The following ALK variants were observed in gnomAD, a reference collection of about 807,000 sequenced individuals.
The protein encoded by ALK is ALK receptor tyrosine kinase.
A neutral mutation model predicts 163.1 loss-of-function variants in ALK; 74 were observed. The observed-to-expected ratio is 0.45, with a 90% CI of 0.38 to 0.55. ALK has a LOEUF of 0.55. Ranked by LOEUF, ALK falls within the 20% of genes least tolerant of loss-of-function variation. The pLI, the probability that ALK is intolerant of heterozygous loss-of-function variation, is 0.00. For synonymous variants in ALK, 960 were observed against 843.2 expected (o/e 1.14, Z -2.40); for missense variants, 2,063 against 2,105.3 (o/e 0.98, Z 0.39).
At chr2:29,520,440 A>G (rs1025766922) in intron 4 of ALK, among the ~76,000 whole-genome samples, 2 of 152,228 alleles carry the variant, frequency 1.3e-5, no homozygotes, top group African/African-American at 4.8e-5. Context: ...AGATACAGTG[A>G]TAAATAATGC....
chr2:29,564,732 G>A lies in ALK; in HGVS notation c.953-32616C>T, dbSNP rs191364470. Among the ~76,000 whole-genome samples the A allele has an allele frequency of 5.1e-3, 779 of 152,310 alleles. 3 individuals are homozygous for A. Among genetic ancestry groups the A allele is most frequent in the Non-Finnish European group, 7.9e-3 (538 of 68,030 alleles). On this transcript the variant is annotated intron_variant, in intron 3 of 28. Coordinates refer to ENST00000389048, the MANE Select transcript of ALK (RefSeq NM_004304.5). Reference sequence around the variant, plus strand: ...GGAATTGCAGGCCTCAGGAAGGGAGGGGGTATCTCAGGTTCCACTCAGAGG... The same window carrying A: ...GGAATTGCAGGCCTCAGGAAGGGAGAGGGTATCTCAGGTTCCACTCAGAGG...
intron 1 of ALK, among the ~76,000 whole-genome samples, chr2:29,878,619 A>G (rs537636183): frequency 1.3e-5 from 2 of 152,250 alleles, no homozygotes; most frequent in South Asian, 4.2e-4. Context: ...CGAGGTCACT[A>G]TTGGGGCTTA....
chr2:29,641,047 G>A (rs530326505), intron 3 of ALK, among the ~76,000 whole-genome samples: 3 of 152,264 alleles, frequency 2.0e-5, no homozygotes, highest in East Asian at 1.9e-4. Flanking sequence ...CGGGGGCAGT[G>A]ATGGTGAGGG....
chr2:29,739,701 T>C (rs957366102), intron 1 of ALK, among the ~76,000 whole-genome samples: 9 of 152,248 alleles, frequency 5.9e-5, no homozygotes, highest in African/African-American at 2.2e-4. Flanking sequence ...TGTTACAAAA[T>C]TTAATGAAGA....
rs879113112 is a variant in ALK at position 29,694,886 on chromosome 2, C to T, written c.916G>A (p.Gly306Arg). 1.9e-6 allele frequency: 3 copies of T among 1,614,102 alleles called. No individual in the cohort carries two copies. Among genetic ancestry groups the T allele is most frequent in the East Asian group, 2.2e-5 (1 of 44,858 alleles). Residue 306 changes from glycine (G) to arginine (R), a missense_variant, in exon 3 of 29, where the codon GGG (glycine) becomes AGG (arginine). Gly to Arg is a moderately radical substitution (Grantham distance 125). This residue lies in a region of ALK where 987 missense variants were observed against 939.5 expected (regional missense o/e 1.05). Transcript: ENST00000389048. The stretch of plus-strand genomic sequence containing the variant: ...TCCTTAGAACGCTCTGCCCCAGGCC[C>T]ATCCAGCAAGTCCATCTGGGAGGCC... ...EEASQMDLLD[G>R]PGAERSKEMP... is the part of the protein sequence containing the mutation.
At chr2:29,403,258 C>G (rs1194785357) in intron 4 of ALK, among the ~76,000 whole-genome samples, 3 of 152,166 alleles carry the variant, frequency 2.0e-5, no homozygotes, top group African/African-American at 7.2e-5. Flanking sequence ...TCCTTTGGCA[C>G]TTTTATCTGA....
rs556571953 is a variant in ALK at position 29,677,097 on chromosome 2, T to A, written c.952+17753A>T. ...TGCTAATAAAGGCAATTTTATTTTA[T>A]CCTTTCCAATCTGTATATCTGTATG... is the stretch of plus-strand genomic sequence containing the variant. On this transcript the variant is annotated intron_variant, in intron 3 of 28. Transcript: ENST00000389048. 2.2e-4 allele frequency among the ~76,000 whole-genome samples: 34 copies of A among 152,096 alleles called. No homozygotes were observed. The South Asian group carries it at 7.1e-3, about 32-fold the overall frequency.
At chr2:29,450,539 G>A (rs1430635109) in intron 4 of ALK, among the ~76,000 whole-genome samples, 2 of 152,046 alleles carry the variant, frequency 1.3e-5, no homozygotes, top group Non-Finnish European at 2.9e-5. Context: ...CATAGACAGA[G>A]GGTAGATAGA....
intron 3 of ALK, among the ~76,000 whole-genome samples, chr2:29,572,685 T>C (rs904984299): frequency 6.6e-6 from 1 of 152,212 alleles, no homozygotes; most frequent in African/African-American, 2.4e-5. Flanking sequence ...CCCTTAAAGG[T>C]GAGGACCATG....
chr2:29,552,377 G>T (rs1017198974), intron 3 of ALK, among the ~76,000 whole-genome samples: 6 of 152,158 alleles, frequency 3.9e-5, no homozygotes, highest in African/African-American at 9.7e-5. Context: ...GAATGGAATT[G>T]CTGGGTCATG....
At chr2:29,289,723 G>A (rs1160581201) in intron 9 of ALK, among the ~76,000 whole-genome samples, 1 of 152,182 alleles carries the variant, frequency 6.6e-6, no homozygotes, top group East Asian at 1.9e-4. Context: ...CTACTCTGGG[G>A]TAAGTTCCTG....
At chr2:29,422,526 C>G (rs1670039194) in intron 4 of ALK, among the ~76,000 whole-genome samples, 1 of 152,184 alleles carries the variant, frequency 6.6e-6, no homozygotes, top group African/African-American at 2.4e-5. Flanking sequence ...GTGCCTTGGC[C>G]TTAGTACATT....
At chr2:29,194,031 C>A (rs1468368789) in intron 28 of ALK, 109 bp from the exon 29 acceptor site, 1 of 1,108,294 alleles carries the variant, frequency 9.0e-7, no homozygotes, top group Non-Finnish European at 1.3e-6. Flanking sequence ...ATGAGGAAAC[C>A]AGGATTTATT....
At chr2:29,613,545 T>A (rs1183728489) in intron 3 of ALK, among the ~76,000 whole-genome samples, 1 of 152,232 alleles carries the variant, frequency 6.6e-6, no homozygotes, top group Non-Finnish European at 1.5e-5. Context: ...TTCTTCCTTG[T>A]TGCGGACCTC....
At chr2:29,658,555 C>T (rs537357104) in intron 3 of ALK, among the ~76,000 whole-genome samples, 3 of 152,254 alleles carry the variant, frequency 2.0e-5, no homozygotes, top group Non-Finnish European at 2.9e-5. Context: ...TAGGTGTAAC[C>T]CTTATTCAGG....
At chr2:29,916,307 C>T (rs192949161) in intron 1 of ALK, among the ~76,000 whole-genome samples, 1,593 of 152,320 alleles carry the variant, frequency 0.01, 11 homozygotes, top group Non-Finnish European at 0.016. Flanking sequence ...AACTCCTCTC[C>T]TTCACTGCCA....
chr2:29,435,241 C>T lies in ALK; in HGVS notation c.1155-51382G>A, dbSNP rs375343113. 5.9e-5 allele frequency among the ~76,000 whole-genome samples: 9 copies of T among 152,102 alleles called. No individual in the cohort carries two copies. The East Asian group carries it at 7.7e-4, about 13-fold the overall frequency. On this transcript the variant is annotated intron_variant, in intron 4 of 28. Coordinates refer to ENST00000389048, the MANE Select transcript of ALK (RefSeq NM_004304.5). Reference sequence around the variant, plus strand: ...AACAGACATTGAGCCTACTATGTGGCAAGTATTTAAATAATTAAATTCCCC... The same window carrying T: ...AACAGACATTGAGCCTACTATGTGGTAAGTATTTAAATAATTAAATTCCCC...
At chr2:29,808,723 T>G (rs1343130262) in intron 1 of ALK, among the ~76,000 whole-genome samples, 1 of 152,202 alleles carries the variant, frequency 6.6e-6, no homozygotes, top group Non-Finnish European at 1.5e-5. Context: ...ATCACTGCCT[T>G]TCCACATTGC....
chr2:29,232,035 G>GCAAGTTGGCAAAACC (rs6146693), intron 15 of ALK, among the ~76,000 whole-genome samples: 2 of 151,918 alleles, frequency 1.3e-5, no homozygotes, highest in African/African-American at 4.8e-5. Context: ...TCTAACAATT[G>GCAAGTTGGCAAAACC]CAGGGAGGGC....
Sources: gnomAD v4.1 joint callset for allele counts (sites outside exome capture counted in the v4.1 genomes callset) on GRCh38, gnomAD v4.1.1 for gene constraint, gnomAD v4.1.1 regional missense constraint, MANE v1.5 for transcripts, NCBI Gene and HGNC (gene_info 2026-07-23, HGNC 2026-07-21) for gene names.